MRRF: variants seen among roughly 807,000 people sequenced by gnomAD.
The protein encoded by MRRF is mitochondrial ribosome recycling factor.
In MRRF, 18 loss-of-function variants were observed where a neutral mutation model predicts 25.1. The ratio of observed to expected loss-of-function variants is 0.72; its 90% CI spans 0.50 to 1.06. The LOEUF is 1.06. Ranked by LOEUF, MRRF falls within the 50% of genes least tolerant of loss-of-function variation. The probability of loss-of-function intolerance (pLI) is 0.00; values close to 1 mark genes in which losing one functional copy is unlikely to be tolerated. For synonymous variants in MRRF, 113 were observed against 112.1 expected, an observed-to-expected ratio of 1.01 and a Z score of -0.05; for missense variants, 323 against 319.3, an observed-to-expected ratio of 1.01 and a Z score of -0.09.
At chr9:122,304,617 T>C (rs2118904021) in intron 5 of MRRF, among the ~76,000 whole-genome samples, 1 of 152,348 alleles carries the variant, frequency 6.6e-6, no homozygotes. Context: ...CTATTTATGG[T>C]ACCTACCGGT....
At chr9:122,272,956 G>C (rs1194509962) in intron 2 of MRRF, among the ~76,000 whole-genome samples, 1 of 152,018 alleles carries the variant, frequency 6.6e-6, no homozygotes, top group Non-Finnish European at 1.5e-5. Context: ...GTATATATAT[G>C]GCATTGTGTC....
At chr9:122,284,275 G>C (rs1842528256) in intron 3 of MRRF, among the ~76,000 whole-genome samples, 1 of 151,948 alleles carries the variant, frequency 6.6e-6, no homozygotes, top group Non-Finnish European at 1.5e-5. Flanking sequence ...ACTGAAATCA[G>C]AATTAAGCAC....
intron 4 of MRRF, among the ~76,000 whole-genome samples, chr9:122,289,933 C>T (rs1833651639): frequency 6.6e-6 from 1 of 151,030 alleles, no homozygotes; most frequent in South Asian, 2.1e-4. Flanking sequence ...TCTTTTTTTC[C>T]TCCTGCAGCT....
At chr9:122,265,777 T>C (rs1472861096) in intron 1 of MRRF, 1 of 1,288,024 alleles carries the variant, frequency 7.8e-7, no homozygotes, top group African/African-American at 1.5e-5. Context: ...CAGGGAGTGA[T>C]AAGGTAGGCA....
intron 3 of MRRF, among the ~76,000 whole-genome samples, chr9:122,283,207 C>T (rs1171653361): frequency 6.6e-6 from 1 of 151,694 alleles, no homozygotes; most frequent in African/African-American, 2.4e-5. Context: ...GATTCTCCTG[C>T]CTCAGCCTCC....
At chr9:122,316,256 A>G (rs751535540) in intron 6 of MRRF, among the ~76,000 whole-genome samples, 6 of 151,966 alleles carry the variant, frequency 3.9e-5, no homozygotes, top group African/African-American at 7.3e-5. Flanking sequence ...GCTCACTGCA[A>G]CCTCTACCTC....
chr9:122,322,980 A>C lies in MRRF; in HGVS notation c.*363A>C. 3.2e-6 allele frequency: 1 copy of C among 311,524 alleles called. No homozygotes were observed. Among genetic ancestry groups the C allele is most frequent in the Non-Finnish European group, 6.2e-6 (1 of 162,466 alleles). 19.3% of individuals were successfully genotyped at this position (311,524 alleles called of 1,614,324 possible). A position where few individuals can be genotyped will look rare whatever the true frequency, so the allele number is the denominator to read the frequency against. ...AATTAGGCTCTGTTCCCATTTTAAA[A>C]CTCTGATATTGGCCTTCACCTGTGA... On this transcript the variant is annotated 3_prime_UTR_variant, in exon 7 of 7. Coordinates refer to ENST00000344641, the MANE Select transcript of MRRF (RefSeq NM_138777.5).
intron 5 of MRRF, among the ~76,000 whole-genome samples, chr9:122,295,769 A>C (rs1054403395): frequency 3.9e-5 from 6 of 152,030 alleles, no homozygotes. Context: ...TCTGATTATA[A>C]AAGTTTGAGT....
chr9:122,280,783 A>G (rs1355986711), intron 3 of MRRF, among the ~76,000 whole-genome samples, 185 bp downstream of exon 3: 1 of 152,242 alleles, frequency 6.6e-6, no homozygotes, highest in African/African-American at 2.4e-5. Flanking sequence ...TAGTTAAAAT[A>G]AATGAGGTAA....
At chr9:122,283,321 C>T (rs1287139991) in intron 3 of MRRF, among the ~76,000 whole-genome samples, 1 of 152,080 alleles carries the variant, frequency 6.6e-6, no homozygotes, top group Non-Finnish European at 1.5e-5. Flanking sequence ...TCTCAAACTC[C>T]TGACCTCGTG....
intron 2 of MRRF, among the ~76,000 whole-genome samples, chr9:122,271,558 TTCC>T (rs1489560102): frequency 2.0e-5 from 3 of 152,216 alleles, no homozygotes; most frequent in Non-Finnish European, 4.4e-5. Context: ...TAAATGCTAC[TTCC>T]TCTGGGAAGC....
At chr9:122,309,368 C>T (rs1474287165) in intron 5 of MRRF, among the ~76,000 whole-genome samples, 1 of 152,142 alleles carries the variant, frequency 6.6e-6, no homozygotes, top group African/African-American at 2.4e-5. Flanking sequence ...GCCAGCCTCT[C>T]CACCCTTCTC....
intron 4 of MRRF, among the ~76,000 whole-genome samples, chr9:122,288,007 C>G (rs968900093): frequency 2.0e-5 from 3 of 152,100 alleles, no homozygotes; most frequent in African/African-American, 4.8e-5. Flanking sequence ...CTTTCCAAAC[C>G]TGAGCATTTC....
chr9:122,290,082 A>G (rs2051664179), intron 4 of MRRF, among the ~76,000 whole-genome samples: 1 of 152,102 alleles, frequency 6.6e-6, no homozygotes, highest in African/African-American at 2.4e-5. Flanking sequence ...AGAAAAAGAA[A>G]AGAAAAATCA....
chr9:122,307,612 T>C (rs1341069757), intron 5 of MRRF, among the ~76,000 whole-genome samples: 1 of 152,230 alleles, frequency 6.6e-6, no homozygotes, highest in Non-Finnish European at 1.5e-5. Context: ...GCACGCCAAG[T>C]ACTTATCCCC....
At chr9:122,285,839 T>G (rs1250228139) in intron 4 of MRRF, 1 of 1,283,842 alleles carries the variant, frequency 7.8e-7, no homozygotes, top group South Asian at 1.3e-5. Flanking sequence ...GGCCACCAAT[T>G]TGTGACCTCT....
At position 122,329,126 on chromosome 9, in the gene MRRF, A is replaced by G. The variant is rs1290305763; in HGVS notation, c.*6509A>G. On this transcript the variant is annotated 3_prime_UTR_variant, in exon 7 of 7. Transcript: ENST00000344641. ...AATTATGTAAACTCTTCACCCTGGC[A>G]TTCAGTAACTTCTGCAATCTGGGCC... is the stretch of plus-strand genomic sequence containing the variant. 6.6e-6 allele frequency: 1 copy of G among 152,232 alleles called. No homozygotes were observed. Among genetic ancestry groups the G allele is most frequent in the Non-Finnish European group, 1.5e-5 (1 of 68,054 alleles). 9.4% of individuals were successfully genotyped at this position (152,232 alleles called of 1,614,324 possible).
chr9:122,300,437 A>G (rs1009500729), intron 5 of MRRF, among the ~76,000 whole-genome samples: 5 of 152,170 alleles, frequency 3.3e-5, no homozygotes, highest in Admixed American at 3.3e-4. Flanking sequence ...AGTAGTATTT[A>G]TGGTTTTGAA....
intron 4 of MRRF, among the ~76,000 whole-genome samples, chr9:122,291,393 C>T (rs535303620): frequency 6.6e-6 from 1 of 152,332 alleles, no homozygotes; most frequent in South Asian, 2.1e-4. Context: ...TGAAATCTTT[C>T]ATCTGTCTTT....
Sources: gnomAD v4.1 joint callset for allele counts (sites outside exome capture counted in the v4.1 genomes callset) on GRCh38, gnomAD v4.1.1 for gene constraint, MANE v1.5 for transcripts, NCBI Gene and HGNC (gene_info 2026-07-23, HGNC 2026-07-21) for gene names.